NRP2: variants seen among roughly 807,000 people sequenced by gnomAD.
NRP2 encodes neuropilin 2.
NRP2 carries 52 observed loss-of-function variants against 110.4 expected under a neutral mutation model. The ratio of observed to expected loss-of-function variants is 0.47; its 90% CI spans 0.38 to 0.59. The LOEUF (loss-of-function observed/expected upper bound fraction) is 0.59, where lower values mean the gene tolerates loss of function less well. NRP2 is among the 20% of genes least tolerant of loss of function. NRP2 has a pLI of 0.00. For synonymous variants in NRP2, 508 were observed against 468.9 expected, an observed-to-expected ratio of 1.08 and a Z score of -1.08; for missense variants, 1,049 against 1,203.0, an observed-to-expected ratio of 0.87 and a Z score of 1.89.
chr2:205,794,856 T>C lies in NRP2; in HGVS notation c.2579T>C (p.Ile860Thr), dbSNP rs2105979800. The C allele has an allele frequency of 6.2e-7, 1 of 1,614,136 alleles. No homozygotes were observed. Among genetic ancestry groups the C allele is most frequent in the Non-Finnish European group, 8.5e-7 (1 of 1,180,026 alleles). ...EKSWLYTLDPILITIIAMSSL... is the reference protein window; with the variant it reads ...EKSWLYTLDPTLITIIAMSSL... ...AGCTGGCTGTACACCCTGGATCCCATCCTCATCACCATCATCGCCATGAGC... is the reference window on the plus strand; with the variant it reads ...AGCTGGCTGTACACCCTGGATCCCACCCTCATCACCATCATCGCCATGAGC... The change falls in exon 17 of 17, where the codon ATC becomes ACC. Residue 860 changes from isoleucine (I) to threonine (T), a missense_variant. By Grantham distance (89) the Ile-to-Thr change is moderately conservative. Transcript: ENST00000357785.
At chr2:205,789,342 C>T (rs1208434482) in intron 15 of NRP2, among the ~76,000 whole-genome samples, 3 of 152,168 alleles carry the variant, frequency 2.0e-5, no homozygotes, top group Non-Finnish European at 4.4e-5. Context: ...AGGTTGAAAG[C>T]GGAACTCGTG....
chr2:205,777,108 A>C (rs1270042733), intron 15 of NRP2: 1 of 987,670 alleles, frequency 1.0e-6, no homozygotes, highest in Non-Finnish European at 1.2e-6. Flanking sequence ...ATACTGTACA[A>C]GTTTTGTTTA....
intron 12 of NRP2, among the ~76,000 whole-genome samples, chr2:205,754,666 C>T (rs1018292878): frequency 1.3e-5 from 2 of 152,200 alleles, no homozygotes; most frequent in Non-Finnish European, 2.9e-5. Context: ...TCCTTTGAGA[C>T]TGCATCCAAT....
At chr2:205,705,183 GAA>G (rs5837991) in intron 2 of NRP2, among the ~76,000 whole-genome samples, 1 of 144,168 alleles carries the variant, frequency 6.9e-6, no homozygotes, top group African/African-American at 2.5e-5. Context: ...AATAATTCCA[GAA>G]AAAAAAAAAA....
intron 1 of NRP2, among the ~76,000 whole-genome samples, chr2:205,690,675 G>T (rs926492528): frequency 6.6e-6 from 1 of 151,810 alleles, no homozygotes; most frequent in African/African-American, 2.4e-5. Flanking sequence ...AGCTACTTGG[G>T]AGGCTAAGGC....
intron 6 of NRP2, among the ~76,000 whole-genome samples, chr2:205,727,646 T>C (rs1489904127): frequency 6.6e-6 from 1 of 152,204 alleles, no homozygotes; most frequent in Non-Finnish European, 1.5e-5. Context: ...GTATTGTCCC[T>C]TCATATTTGC....
intron 3 of NRP2, among the ~76,000 whole-genome samples, chr2:205,720,742 T>C (rs975403260): frequency 3.3e-5 from 5 of 152,186 alleles, no homozygotes; most frequent in African/African-American, 4.8e-5. Flanking sequence ...TCCCGGGCCA[T>C]TGAGGAGGCC....
rs1177110700 is a variant in NRP2, at chr2:205,697,707, G to A, written c.237G>A (p.Glu79=). 6.2e-7 allele frequency: 1 copy of A among 1,613,902 alleles called. No homozygotes were observed. Among genetic ancestry groups the A allele is most frequent in the Non-Finnish European group, 8.5e-7 (1 of 1,180,002 alleles). The stretch of plus-strand genomic sequence containing the variant: ...ACTTCAACCCTCACTTTGAAATCGA[G>A]AAGCACGACTGCAAGTAAGCACCGT... The part of the protein sequence containing the change: ...VLNFNPHFEI[E]KHDCKYDFIE... Residue 79 remains glutamate, a synonymous_variant, in exon 2 of 17, where the codon GAG becomes GAA. Transcript: ENST00000357785.
intron 15 of NRP2, among the ~76,000 whole-genome samples, chr2:205,787,097 G>A (rs1180123031): frequency 6.6e-6 from 1 of 152,116 alleles, no homozygotes; most frequent in Admixed American, 6.5e-5. Flanking sequence ...GTAAAGACAA[G>A]GGAATTCTAG....
At chr2:205,770,683 G>A (rs112697276) in intron 15 of NRP2, among the ~76,000 whole-genome samples, 10 of 152,294 alleles carry the variant, frequency 6.6e-5, no homozygotes, top group South Asian at 2.1e-4. Flanking sequence ...GCACATAACC[G>A]TCTGATGAAA....
chr2:205,712,698 A>G (rs1235417866), intron 2 of NRP2, among the ~76,000 whole-genome samples: 1 of 152,190 alleles, frequency 6.6e-6, no homozygotes, highest in Admixed American at 6.5e-5. Context: ...TGTCATTTGG[A>G]GTGTGCCCTT....
intron 2 of NRP2, among the ~76,000 whole-genome samples, chr2:205,706,845 C>T (rs775617673): frequency 9.2e-5 from 14 of 152,150 alleles, no homozygotes; most frequent in Non-Finnish European, 2.1e-4. Flanking sequence ...AGCTCATCCC[C>T]GGCACTGATG....
chr2:205,736,459 T>C (rs551035430), intron 7 of NRP2, among the ~76,000 whole-genome samples: 1 of 152,354 alleles, frequency 6.6e-6, no homozygotes, highest in African/African-American at 2.4e-5. Flanking sequence ...CCCACCGATT[T>C]TTCTCAGATA....
intron 1 of NRP2, among the ~76,000 whole-genome samples, chr2:205,691,625 T>C (rs2056316912): frequency 6.6e-6 from 1 of 152,120 alleles, no homozygotes. Context: ...ATTATATTAC[T>C]TTTTTTTCTC....
At chr2:205,724,315 TC>T (rs989646951) in intron 5 of NRP2, among the ~76,000 whole-genome samples, 1 of 152,184 alleles carries the variant, frequency 6.6e-6, no homozygotes, top group East Asian at 1.9e-4. Context: ...GCCATTTTTT[TC>T]CCTCTCAAAA....
chr2:205,766,866 T>C, intron 15 of NRP2, 63 bp downstream of exon 15: 4 of 1,483,910 alleles, frequency 2.7e-6, no homozygotes, highest in Non-Finnish European at 3.7e-6. Context: ...CCCCATGTGA[T>C]GTGAATTTGA....
At chr2:205,716,987 A>C (rs926979231) in intron 3 of NRP2, among the ~76,000 whole-genome samples, 1 of 152,246 alleles carries the variant, frequency 6.6e-6, no homozygotes, top group Non-Finnish European at 1.5e-5. Context: ...AAAGAGTCAG[A>C]GGGCACTGCA....
chr2:205,764,439 G>A (rs1370328297), intron 13 of NRP2: 8 of 173,086 alleles, frequency 4.6e-5, no homozygotes, highest in South Asian at 2.7e-4. Context: ...ACCAGCTCCC[G>A]GAATGGAGTT....
Position 205,726,030 on chromosome 2 carries a change from G to A in NRP2, c.938G>A (p.Gly313Asp), listed in dbSNP as rs757566894. The A allele has an allele frequency of 1.9e-6, 3 of 1,614,094 alleles. No homozygotes were observed. Among genetic ancestry groups the A allele is most frequent in the African/African-American group, 2.7e-5 (2 of 74,930 alleles). Residue 313 changes from glycine (G) to aspartate (D), a missense_variant, in exon 6 of 17, where the codon GGT becomes GAT. Coordinates refer to ENST00000357785, the MANE Select transcript of NRP2 (RefSeq NM_003872.3). The stretch of plus-strand genomic sequence containing the variant: ...ACCCCTCAACAAAGCCGGCTCCATG[G>A]TGATGACAATGGCTGGACCCCCAAC... ...RWTPQQSRLH[G>D]DDNGWTPNLD...
Sources: allele counts gnomAD v4.1 joint callset (sites outside exome capture counted in the v4.1 genomes callset), GRCh38; gene constraint gnomAD v4.1.1; transcripts MANE v1.5; gene names NCBI Gene and HGNC (gene_info 2026-07-23, HGNC 2026-07-21).